Variants in TESK2 observed in about 807,000 individuals in gnomAD.
The protein encoded by TESK2 is dual specificity testis-specific protein kinase 2.
TESK2 carries 39 observed loss-of-function variants against 57.1 expected under a neutral mutation model. The ratio of observed to expected loss-of-function variants is 0.68; its 90% CI spans 0.53 to 0.89. The LOEUF (loss-of-function observed/expected upper bound fraction) is 0.89, where lower values mean the gene tolerates loss of function less well. Ranked by LOEUF, TESK2 falls within the 40% of genes least tolerant of loss-of-function variation. TESK2 has a pLI of 0.00. For synonymous variants in TESK2, 249 were observed against 267.9 expected, an observed-to-expected ratio of 0.93 and a Z score of 0.69; for missense variants, 646 against 732.1, an observed-to-expected ratio of 0.88 and a Z score of 1.36.
intron 4 of TESK2, among the ~76,000 whole-genome samples, chr1:45,380,356 A>C (rs1340204829): frequency 1.3e-5 from 2 of 152,192 alleles, no homozygotes; most frequent in East Asian, 3.8e-4. Context: ...TCTTCTAGCC[A>C]CTGAGAGTTT....
At chr1:45,461,029 T>A (rs1473559366) in intron 1 of TESK2, among the ~76,000 whole-genome samples, 2 of 152,092 alleles carry the variant, frequency 1.3e-5, no homozygotes, top group African/African-American at 4.8e-5. Flanking sequence ...TGGGTCATAA[T>A]AGCTTTTTTT....
At chr1:45,462,278 T>G (rs1185662030) in intron 1 of TESK2, among the ~76,000 whole-genome samples, 1 of 152,112 alleles carries the variant, frequency 6.6e-6, no homozygotes, top group Non-Finnish European at 1.5e-5. Context: ...GATCTCTTTT[T>G]TTTTTTATTT....
intron 4 of TESK2, among the ~76,000 whole-genome samples, chr1:45,357,083 C>T (rs1043315279): frequency 2.6e-5 from 4 of 151,902 alleles, no homozygotes; most frequent in African/African-American, 9.7e-5. Context: ...GTAATCCCAG[C>T]TACTCAAGAG....
intron 3 of TESK2, among the ~76,000 whole-genome samples, chr1:45,403,255 AAG>A (rs1649706417): frequency 6.6e-6 from 1 of 151,990 alleles, no homozygotes; most frequent in Non-Finnish European, 1.5e-5. Context: ...AAAAGAAAGA[AAG>A]AAAAAGATGA....
intron 1 of TESK2, among the ~76,000 whole-genome samples, chr1:45,461,032 C>CT (rs965501875): frequency 1.2e-4 from 18 of 150,996 alleles, no homozygotes; most frequent in African/African-American, 2.9e-4. Flanking sequence ...GTCATAATAG[C>CT]TTTTTTTTTG....
At chr1:45,377,276 C>T (rs1648467692) in intron 4 of TESK2, among the ~76,000 whole-genome samples, 1 of 151,368 alleles carries the variant, frequency 6.6e-6, no homozygotes, top group Admixed American at 6.6e-5. Flanking sequence ...AATATTATGG[C>T]TTTGGAATGA....
At chr1:45,418,368 C>T (rs1474984945) in intron 3 of TESK2, among the ~76,000 whole-genome samples, 1 of 152,192 alleles carries the variant, frequency 6.6e-6, no homozygotes, top group African/African-American at 2.4e-5. Flanking sequence ...AACACTAAAC[C>T]ATTCTGCATC....
rs71052887 is a variant in TESK2 at position 45,486,782 on chromosome 1, T to TACACACACACACACACACACACACAC, written c.-87+4044_-87+4069dup. 1.6e-3 allele frequency among the ~76,000 whole-genome samples: 181 copies of TACACACACACACACACACACACACAC among 115,886 alleles called. 4 individuals are homozygous for TACACACACACACACACACACACACAC. The highest frequency in any genetic ancestry group is 8.8e-3 in the Middle Eastern group (2 of 228). The allele number at this position is 115,886 out of a possible 152,430, so 76.0% of individuals were successfully genotyped here. On this transcript the variant is annotated intron_variant, in intron 1 of 10. Transcript: ENST00000372086. ...GTGGAGAGTCCCTAGCCTCCCAGCA[T>TACACACACACACACACACACACACAC]ACACACACACACACACACACACACA...
intron 2 of TESK2, among the ~76,000 whole-genome samples, chr1:45,438,575 A>T (rs996642135): frequency 6.6e-6 from 1 of 152,190 alleles, no homozygotes; most frequent in Non-Finnish European, 1.5e-5. Flanking sequence ...AGGAGTACAC[A>T]TGCAGATTTG....
At chr1:45,415,054 A>T in intron 3 of TESK2, 1 of 1,255,766 alleles carries the variant, frequency 8.0e-7, no homozygotes, top group Non-Finnish European at 1.1e-6. Flanking sequence ...TCAACATCAC[A>T]GTCAAACAGC....
At chr1:45,428,647 T>C (rs1650797496) in intron 2 of TESK2, among the ~76,000 whole-genome samples, 1 of 151,784 alleles carries the variant, frequency 6.6e-6, no homozygotes, top group Non-Finnish European at 1.5e-5. Flanking sequence ...GGACCACAGC[T>C]GTGCACCACC....
chr1:45,347,696 G>A lies in TESK2; in HGVS notation c.624-3C>T. 1.1e-5 allele frequency: 18 copies of A among 1,613,982 alleles called. No homozygotes were observed. Among genetic ancestry groups the A allele is most frequent in the Non-Finnish European group, 1.5e-5 (18 of 1,179,850 alleles). Reference sequence around the variant, plus strand: ...CGGCCAGCTTCTCACTCCCCATGCTGTGGGGTGAGATTATACAGAAAATGA... The same window carrying A: ...CGGCCAGCTTCTCACTCCCCATGCTATGGGGTGAGATTATACAGAAAATGA... On this transcript the variant is annotated splice_region_variant and splice_polypyrimidine_tract_variant and intron_variant, in intron 6 of 10. Coordinates refer to ENST00000372086, the MANE Select transcript of TESK2 (RefSeq NM_007170.3).
chr1:45,355,825 C>T (rs1243058123), intron 4 of TESK2, among the ~76,000 whole-genome samples: 2 of 152,100 alleles, frequency 1.3e-5, no homozygotes, highest in Non-Finnish European at 2.9e-5. Flanking sequence ...GCACGAAAGA[C>T]ACAGAGGGAG....
chr1:45,356,747 C>A (rs1647440949), intron 4 of TESK2, among the ~76,000 whole-genome samples: 1 of 151,856 alleles, frequency 6.6e-6, no homozygotes, highest in Non-Finnish European at 1.5e-5. Context: ...AGAACAAAGT[C>A]TAAGTGAAAG....
chr1:45,477,232 C>CA (rs1182044256), intron 1 of TESK2, among the ~76,000 whole-genome samples: 1 of 138,528 alleles, frequency 7.2e-6, no homozygotes, highest in Non-Finnish European at 1.6e-5. Context: ...GACTCTGTCT[C>CA]AAAAAAGAAA....
At chr1:45,388,291 G>A (rs1648981805) in intron 3 of TESK2, among the ~76,000 whole-genome samples, 1 of 152,158 alleles carries the variant, frequency 6.6e-6, no homozygotes, top group African/African-American at 2.4e-5. Context: ...TTTCTAGTCA[G>A]CCTCTTTTAG....
chr1:45,355,671 T>A (rs1477072540), intron 4 of TESK2, among the ~76,000 whole-genome samples: 1 of 152,142 alleles, frequency 6.6e-6, no homozygotes, highest in Non-Finnish European at 1.5e-5. Context: ...CAATATCATA[T>A]AATAAATATT....
At chr1:45,390,367 G>A (rs1384504531) in intron 3 of TESK2, among the ~76,000 whole-genome samples, 1 of 152,136 alleles carries the variant, frequency 6.6e-6, no homozygotes, top group Admixed American at 6.5e-5. Flanking sequence ...AGTAGGCTGA[G>A]GCAGGAGGAT....
chr1:45,463,255 A>C (rs1281921684), intron 1 of TESK2, among the ~76,000 whole-genome samples: 1 of 152,038 alleles, frequency 6.6e-6, no homozygotes, highest in Non-Finnish European at 1.5e-5. Flanking sequence ...ACATGTGTCC[A>C]TTTTTGCTTT....
Sources: allele counts gnomAD v4.1 joint callset (sites outside exome capture counted in the v4.1 genomes callset), GRCh38; gene constraint gnomAD v4.1.1; transcripts MANE v1.5; gene names NCBI Gene and HGNC (gene_info 2026-07-23, HGNC 2026-07-21).